The following PMEPA1 variants were observed in gnomAD, a reference collection of about 807,000 sequenced individuals.
PMEPA1 encodes protein TMEPAI.
A neutral mutation model predicts 23.0 loss-of-function variants in PMEPA1; 11 were observed. The observed-to-expected ratio is 0.48, with a 90% CI of 0.30 to 0.79. PMEPA1 has a LOEUF of 0.79. Ranked by LOEUF, PMEPA1 falls within the 30% of genes least tolerant of loss-of-function variation. PMEPA1 has a pLI of 0.06. For synonymous variants in PMEPA1, 204 were observed against 166.4 expected (o/e 1.23, Z -1.74); for missense variants, 377 against 390.9 (o/e 0.96, Z 0.30).
Position 57,659,715 on chromosome 20 carries a change from G to C in PMEPA1, c.110-18C>G. 7.7e-6 allele frequency: 12 copies of C among 1,556,558 alleles called. No homozygotes were observed. The highest frequency in any genetic ancestry group is 1.0e-5 in the Non-Finnish European group (12 of 1,150,122). ...CAGCTCCGCTGTGGAGACAAAGAGG[G>C]ACACGTGAGACCCTGGACACCTGCA... On this transcript the variant is annotated intron_variant, in intron 1 of 3. Transcript: ENST00000341744.
At chr20:57,675,619 T>C (rs2071626408) in intron 1 of PMEPA1, among the ~76,000 whole-genome samples, 1 of 152,122 alleles carries the variant, frequency 6.6e-6, no homozygotes, top group Non-Finnish European at 1.5e-5. Flanking sequence ...CTGGCCACAC[T>C]GACAGTCGGC....
chr20:57,654,775 A>G (rs374064339), intron 2 of PMEPA1, among the ~76,000 whole-genome samples: 9 of 152,312 alleles, frequency 5.9e-5, no homozygotes, highest in Non-Finnish European at 1.2e-4. Flanking sequence ...GCAAAAATGC[A>G]GATTCTGTAG....
At chr20:57,659,484 T>C (rs6064581) in intron 2 of PMEPA1, 59 bp downstream of exon 2, 1 of 1,563,820 alleles carries the variant, frequency 6.4e-7, no homozygotes, top group South Asian at 1.1e-5. Flanking sequence ...TCTGAGTTTT[T>C]ACAAGGGGCG....
intron 1 of PMEPA1, among the ~76,000 whole-genome samples, chr20:57,706,824 G>A (rs1293271277): frequency 1.3e-5 from 2 of 152,140 alleles, no homozygotes; most frequent in Non-Finnish European, 2.9e-5. Context: ...TGTGAACCCC[G>A]AGCTTGCGTA....
rs528024892 is a variant in PMEPA1 at position 57,649,400 on chromosome 20, C to T, written c.*2653G>A. ...CACTACCCCATGAACTTCTGCCATC[C>T]ACTGGACATGAAGCTGAGGACACTG... is the stretch of plus-strand genomic sequence containing the variant. On this transcript the variant is annotated 3_prime_UTR_variant, in exon 4 of 4. Transcript: ENST00000341744. 1 of 152,342 alleles carries T rather than the reference C, an allele frequency of 6.6e-6. No individual in the cohort carries two copies. Among genetic ancestry groups the T allele is most frequent in the South Asian group, 2.1e-4 (1 of 4,824 alleles). The allele number at this position is 152,342 out of a possible 1,614,324, so 9.4% of individuals were successfully genotyped here.
At chr20:57,696,357 C>T (rs1283636915) in intron 1 of PMEPA1, among the ~76,000 whole-genome samples, 1 of 152,192 alleles carries the variant, frequency 6.6e-6, no homozygotes, top group Non-Finnish European at 1.5e-5. Flanking sequence ...CTAGAACTTT[C>T]CCCTTCAACC....
intron 1 of PMEPA1, among the ~76,000 whole-genome samples, chr20:57,700,938 G>A (rs1424065726): frequency 6.6e-6 from 1 of 151,978 alleles, no homozygotes; most frequent in Non-Finnish European, 1.5e-5. Flanking sequence ...ACTGAGGCAG[G>A]AGAATCACTT....
rs1351186280 is a variant in PMEPA1, at chr20:57,649,062, T to C, written c.*2991A>G. 6.6e-6 allele frequency: 1 copy of C among 151,946 alleles called. No homozygotes were observed. The highest frequency in any genetic ancestry group is 1.5e-5 in the Non-Finnish European group (1 of 68,014). The allele number at this position is 151,946 out of a possible 1,614,324, so 9.4% of individuals were successfully genotyped here. Reference sequence around the variant, plus strand: ...TTTTCCTCCTCTGGAGGAAAGGTGGTGATTGACAGGCAGGGAGACAGTGAC... The same window carrying C: ...TTTTCCTCCTCTGGAGGAAAGGTGGCGATTGACAGGCAGGGAGACAGTGAC... On this transcript the variant is annotated 3_prime_UTR_variant, in exon 4 of 4. Coordinates refer to ENST00000341744, the MANE Select transcript of PMEPA1 (RefSeq NM_020182.5).
At chr20:57,681,493 C>T (rs1308092143) in intron 1 of PMEPA1, among the ~76,000 whole-genome samples, 3 of 152,200 alleles carry the variant, frequency 2.0e-5, no homozygotes, top group Admixed American at 1.3e-4. Context: ...GATGGTGTGG[C>T]GCTGCCTCTT....
chr20:57,694,561 G>C (rs2071921756), intron 1 of PMEPA1, among the ~76,000 whole-genome samples: 1 of 152,354 alleles, frequency 6.6e-6, no homozygotes, highest in African/African-American at 2.4e-5. Context: ...AGGGTGGCTA[G>C]GACACAGATG....
chr20:57,691,285 G>A (rs980156982), intron 1 of PMEPA1, among the ~76,000 whole-genome samples: 2 of 152,164 alleles, frequency 1.3e-5, no homozygotes, highest in Non-Finnish European at 2.9e-5. Context: ...CAGCCTTCTG[G>A]TGTCCCCTCC....
chr20:57,684,115 C>G (rs1002675643), intron 1 of PMEPA1, among the ~76,000 whole-genome samples: 23 of 152,204 alleles, frequency 1.5e-4, no homozygotes, highest in African/African-American at 5.3e-4. Flanking sequence ...CAGGAGACAT[C>G]TGGTCAGCTG....
intron 1 of PMEPA1, among the ~76,000 whole-genome samples, chr20:57,667,822 A>G (rs1568969383): frequency 6.8e-6 from 1 of 147,688 alleles, no homozygotes; most frequent in Non-Finnish European, 1.5e-5. Flanking sequence ...ACCTACCCCC[A>G]CTACATTTGA....
chr20:57,662,984 C>T (rs541020751), intron 1 of PMEPA1, among the ~76,000 whole-genome samples: 1 of 152,344 alleles, frequency 6.6e-6, no homozygotes, highest in Non-Finnish European at 1.5e-5. Context: ...CACGGCTCTC[C>T]TGGCCCCGCC....
intron 1 of PMEPA1, chr20:57,700,215 G>T (rs1393099021): frequency 8.6e-6 from 4 of 463,110 alleles, no homozygotes; most frequent in African/African-American, 6.0e-5. Context: ...GCTGACAGCT[G>T]CCACTGACAG....
intron 1 of PMEPA1, among the ~76,000 whole-genome samples, chr20:57,701,329 G>C (rs2072008510): frequency 1.3e-5 from 2 of 152,272 alleles, no homozygotes; most frequent in South Asian, 4.1e-4. Flanking sequence ...CCTCCGTGAG[G>C]ACAATAACCC....
intron 1 of PMEPA1, among the ~76,000 whole-genome samples, chr20:57,699,863 T>C (rs1225927311): frequency 6.6e-6 from 1 of 152,208 alleles, no homozygotes; most frequent in Non-Finnish European, 1.5e-5. Flanking sequence ...ATGTCCGTGG[T>C]GGACTCCAAC....
intron 1 of PMEPA1, among the ~76,000 whole-genome samples, chr20:57,670,219 C>G (rs1303070052): frequency 6.6e-6 from 1 of 152,074 alleles, no homozygotes; most frequent in Non-Finnish European, 1.5e-5. Flanking sequence ...GGGGGTAGTA[C>G]ATGGAGCCAG....
chr20:57,681,329 G>A (rs1466587505), intron 1 of PMEPA1, among the ~76,000 whole-genome samples: 1 of 152,204 alleles, frequency 6.6e-6, no homozygotes, highest in Admixed American at 6.5e-5. Context: ...GAGCTCCTGA[G>A]GGCACCCTCA....
Sources: allele counts gnomAD v4.1 joint callset (sites outside exome capture counted in the v4.1 genomes callset), GRCh38; gene constraint gnomAD v4.1.1; transcripts MANE v1.5; gene names NCBI Gene and HGNC (gene_info 2026-07-23, HGNC 2026-07-21).